KAZN: variants seen among roughly 807,000 people sequenced by gnomAD.
The protein encoded by KAZN is kazrin, periplakin interacting protein.
In KAZN, 40 loss-of-function variants were observed where a neutral mutation model predicts 87.4. The observed-to-expected ratio is 0.46, with a 90% CI of 0.36 to 0.60. The LOEUF is 0.60. Among genes scored for constraint, KAZN ranks in the 20% least tolerant of loss-of-function variants. KAZN has a pLI of 0.00. For synonymous variants in KAZN, 466 were observed against 458.3 expected (o/e 1.02, Z -0.22); for missense variants, 898 against 1,073.9 (o/e 0.84, Z 2.29).
At chr1:14,207,008 G>C (rs1453623103) in intron 2 of KAZN, among the ~76,000 whole-genome samples, 2 of 146,134 alleles carry the variant, frequency 1.4e-5, no homozygotes, top group African/African-American at 5.1e-5. Flanking sequence ...TTGTTGCCCA[G>C]GCTGGAGGGC....
At chr1:14,852,029 C>T (rs1164738904) in intron 1 of KAZN, among the ~76,000 whole-genome samples, 1 of 152,158 alleles carries the variant, frequency 6.6e-6, no homozygotes, top group East Asian at 1.9e-4. Context: ...TCCTCCCATT[C>T]CCTAGATCTG....
chr1:14,911,110 G>A (rs1293995932), intron 1 of KAZN, among the ~76,000 whole-genome samples: 1 of 152,174 alleles, frequency 6.6e-6, no homozygotes, highest in African/African-American at 2.4e-5. Flanking sequence ...GCCCATGTTG[G>A]CCACTTCAAG....
rs374605023 is a variant in KAZN, at chr1:15,101,559, G to A, written c.1564G>A (p.Glu522Lys). ...CCTCCCCAGCCTGTCCAAAGCTGCC[G>A]AGCTGGACCATCACTGGGTGGCCAA... is the stretch of plus-strand genomic sequence containing the variant. ...EAGRSLSKAA[E>K]LDHHWVAKAW... Residue 522 changes from glutamate to lysine, a missense_variant, in exon 11 of 15, where the codon GAG (glutamate) becomes AAG (lysine). By Grantham distance (56) the Glu-to-Lys change is moderately conservative. Around this residue, in one of 3 missense-constraint regions of KAZN, gnomAD observed 521 missense variants for 689.4 expected, o/e 0.76. Transcript: ENST00000376030. 32 of 1,552,014 alleles carry A rather than the reference G, an allele frequency of 2.1e-5. No individual in the cohort carries two copies. Among genetic ancestry groups the A allele is most frequent in the Middle Eastern group, 1.7e-4 (1 of 6,016 alleles).
intron 1 of KAZN, among the ~76,000 whole-genome samples, chr1:14,136,070 C>G (rs1645103071): frequency 6.6e-6 from 1 of 151,990 alleles, no homozygotes; most frequent in Admixed American, 6.6e-5. Context: ...AAAGGAGACC[C>G]TGGGGAAGAG....
intron 1 of KAZN, among the ~76,000 whole-genome samples, chr1:14,872,916 G>GTGGA (rs769222395): frequency 1.2e-3 from 166 of 139,006 alleles, no homozygotes; most frequent in Non-Finnish European, 2.1e-3. Flanking sequence ...GGATGGTTGG[G>GTGGA]TGGATGGATG....
chr1:15,039,864 C>T (rs1672718351), intron 3 of KAZN, among the ~76,000 whole-genome samples: 1 of 152,276 alleles, frequency 6.6e-6, no homozygotes, highest in African/African-American at 2.4e-5. Context: ...GGGGGCAGCT[C>T]CCTGTAGCTA....
At chr1:14,119,109 G>T (rs1222566266) in intron 1 of KAZN, among the ~76,000 whole-genome samples, 1 of 152,150 alleles carries the variant, frequency 6.6e-6, no homozygotes, top group African/African-American at 2.4e-5. Context: ...GACAACACTA[G>T]GTAAGAAGAG....
intron 2 of KAZN, among the ~76,000 whole-genome samples, chr1:14,286,884 A>G (rs1280519328): frequency 6.6e-6 from 1 of 152,176 alleles, no homozygotes; most frequent in Non-Finnish European, 1.5e-5. Context: ...TCTTGGCTGC[A>G]CACATTTATG....
chr1:14,837,102 AT>A (rs1054024411), intron 1 of KAZN, among the ~76,000 whole-genome samples: 1 of 152,052 alleles, frequency 6.6e-6, no homozygotes, highest in South Asian at 2.1e-4. Context: ...TAATTATTTA[AT>A]TTTTTAAAAA....
At chr1:14,028,002 G>C (rs35035996) in intron 1 of KAZN, among the ~76,000 whole-genome samples, 25,443 of 152,080 alleles carry the variant, frequency 0.17, 2,606 homozygotes, top group Non-Finnish European at 0.24. Context: ...TGGGAAAACT[G>C]GTTCCTCCAA....
chr1:14,857,493 A>T (rs981316241), intron 1 of KAZN, among the ~76,000 whole-genome samples: 7 of 151,884 alleles, frequency 4.6e-5, no homozygotes, highest in African/African-American at 1.7e-4. Context: ...AGATCGCGCC[A>T]CTCTACTCCA....
intron 1 of KAZN, among the ~76,000 whole-genome samples, chr1:14,908,721 A>C (rs1485429295): frequency 6.6e-6 from 1 of 151,792 alleles, no homozygotes; most frequent in African/African-American, 2.4e-5. Flanking sequence ...CTGGCTCAAA[A>C]AGAACATGTG....
At chr1:14,501,507 A>C (rs894506458) in intron 2 of KAZN, among the ~76,000 whole-genome samples, 1 of 152,232 alleles carries the variant, frequency 6.6e-6, no homozygotes, top group African/African-American at 2.4e-5. Flanking sequence ...GCGATGTACT[A>C]TCCAGAAATA....
chr1:14,064,679 G>C (rs547566238), intron 1 of KAZN, among the ~76,000 whole-genome samples: 3 of 152,222 alleles, frequency 2.0e-5, no homozygotes, highest in Admixed American at 6.5e-5. Flanking sequence ...GCACGAGGGT[G>C]GGGGTGGGCG....
chr1:13,986,672 A>G (rs1396483466), intron 1 of KAZN, among the ~76,000 whole-genome samples: 1 of 152,210 alleles, frequency 6.6e-6, no homozygotes, highest in Non-Finnish European at 1.5e-5. Flanking sequence ...AAGGAAAAGG[A>G]ATGTATTGGA....
At chr1:14,491,201 G>C (rs545630292) in intron 2 of KAZN, among the ~76,000 whole-genome samples, 1 of 152,204 alleles carries the variant, frequency 6.6e-6, no homozygotes, top group East Asian at 1.9e-4. Flanking sequence ...CTTTTAACTG[G>C]TTAATGCTGT....
intron 2 of KAZN, among the ~76,000 whole-genome samples, chr1:14,341,906 C>T (rs373154100): frequency 6.6e-5 from 10 of 152,038 alleles, no homozygotes; most frequent in East Asian, 5.8e-4. Context: ...GGGGGTTTGT[C>T]GTACAGATTA....
At chr1:14,771,668 A>T (rs559890513) in intron 1 of KAZN, among the ~76,000 whole-genome samples, 2 of 152,228 alleles carry the variant, frequency 1.3e-5, no homozygotes, top group East Asian at 3.9e-4. Context: ...TCTACTAAAA[A>T]TACAAAAATT....
At chr1:14,687,445 A>G (rs1470644361) in intron 1 of KAZN, among the ~76,000 whole-genome samples, 1 of 152,240 alleles carries the variant, frequency 6.6e-6, no homozygotes, top group Non-Finnish European at 1.5e-5. Context: ...AAAGAAGGAT[A>G]TGCATAGGTG....
Sources: allele counts gnomAD v4.1 joint callset (sites outside exome capture counted in the v4.1 genomes callset), GRCh38; gene constraint gnomAD v4.1.1; regional missense constraint gnomAD v4.1.1; transcripts MANE v1.5; gene names NCBI Gene and HGNC (gene_info 2026-07-23, HGNC 2026-07-21).